CLSTN2: variants seen among roughly 807,000 people sequenced by gnomAD.
CLSTN2 encodes calsyntenin-2.
In CLSTN2, 48 loss-of-function variants were observed where a neutral mutation model predicts 101.2. The observed-to-expected ratio is 0.47, with a 90% CI of 0.38 to 0.60. The LOEUF (loss-of-function observed/expected upper bound fraction) is 0.60, where lower values mean the gene tolerates loss of function less well. Among genes scored for constraint, CLSTN2 ranks in the 20% least tolerant of loss-of-function variants. The pLI, the probability that CLSTN2 is intolerant of heterozygous loss-of-function variation, is 0.00. For missense variants in CLSTN2, 1,160 were observed against 1,238.2 expected (o/e 0.94, Z 0.95); for synonymous variants, 481 against 463.6 (o/e 1.04, Z -0.48).
At chr3:140,465,087 G>A (rs911551524) in intron 7 of CLSTN2, among the ~76,000 whole-genome samples, 1 of 152,180 alleles carries the variant, frequency 6.6e-6, no homozygotes, top group African/African-American at 2.4e-5. Flanking sequence ...GCTGCAAGGA[G>A]TGGAAAGTCC....
chr3:140,488,791 G>C (rs1322384928), intron 8 of CLSTN2, among the ~76,000 whole-genome samples: 7 of 151,756 alleles, frequency 4.6e-5, no homozygotes, highest in Non-Finnish European at 1.0e-4. Context: ...AACACCATTT[G>C]CACTAAAAGA....
chr3:140,059,092 A>G (rs992893095), intron 1 of CLSTN2, among the ~76,000 whole-genome samples: 2 of 152,256 alleles, frequency 1.3e-5, no homozygotes, highest in African/African-American at 4.8e-5. Context: ...CCTGGGTTCA[A>G]GCCCCAGTTC....
intron 1 of CLSTN2, among the ~76,000 whole-genome samples, chr3:140,046,672 T>A (rs1006567482): frequency 8.5e-5 from 13 of 152,336 alleles, no homozygotes; most frequent in Non-Finnish European, 1.5e-4. Context: ...TTTCCATGTT[T>A]AGGGCTTCCT....
chr3:140,024,533 C>A (rs1576400658), intron 1 of CLSTN2, among the ~76,000 whole-genome samples: 1 of 152,210 alleles, frequency 6.6e-6, no homozygotes, highest in Non-Finnish European at 1.5e-5. Flanking sequence ...TAGGCAGTCT[C>A]GGCCTGGCCT....
At position 140,103,027 on chromosome 3, in the gene CLSTN2, C is replaced by T. The variant is rs148697633; in HGVS notation, c.110-72924C>T. ...TCAAGTATGAAAATCACATAACTTA[C>T]TGCCTAGAAGAGAATAGCTCAACAA... On this transcript the variant is annotated intron_variant, in intron 1 of 16. Transcript: ENST00000458420. 1.3e-3 allele frequency among the ~76,000 whole-genome samples: 191 copies of T among 152,304 alleles called. 1 individual carries two copies. Among genetic ancestry groups the T allele is most frequent in the African/African-American group, 4.5e-3 (185 of 41,554 alleles).
chr3:139,985,014 G>A (rs1935998657), intron 1 of CLSTN2, among the ~76,000 whole-genome samples: 1 of 152,104 alleles, frequency 6.6e-6, no homozygotes, highest in Non-Finnish European at 1.5e-5. Flanking sequence ...TCTCCAAAAT[G>A]TGTTTCAGAT....
chr3:140,112,645 T>C (rs1310447298), intron 1 of CLSTN2, among the ~76,000 whole-genome samples: 7 of 152,140 alleles, frequency 4.6e-5, no homozygotes, highest in Non-Finnish European at 8.8e-5. Flanking sequence ...CTCTGGCTTC[T>C]TATGGGTGCA....
chr3:140,090,534 G>A (rs2008760924), intron 1 of CLSTN2, among the ~76,000 whole-genome samples: 1 of 152,160 alleles, frequency 6.6e-6, no homozygotes, highest in Admixed American at 6.5e-5. Context: ...ATGCAGGTCA[G>A]TTGCTTAATG....
At chr3:140,018,484 T>G (rs1347988766) in intron 1 of CLSTN2, among the ~76,000 whole-genome samples, 3 of 152,170 alleles carry the variant, frequency 2.0e-5, no homozygotes, top group Non-Finnish European at 4.4e-5. Flanking sequence ...GACTGCAGCC[T>G]GCTGCATAGG....
intron 5 of CLSTN2, among the ~76,000 whole-genome samples, chr3:140,447,055 C>G (rs1559872015): frequency 6.6e-6 from 1 of 152,212 alleles, no homozygotes. Flanking sequence ...ACCGGTATCA[C>G]CATGGTGGCT....
chr3:140,171,829 ATAACAATATATAATATAATATATATAT>A (rs2010238099), intron 1 of CLSTN2, among the ~76,000 whole-genome samples: 7 of 91,128 alleles, frequency 7.7e-5, no homozygotes, highest in Non-Finnish European at 1.5e-4. Flanking sequence ...ATTATATATA[ATAACAATATATAATATAATATATATAT>A]TATATAATAA....
intron 8 of CLSTN2, among the ~76,000 whole-genome samples, chr3:140,488,277 A>G (rs921051110): frequency 3.3e-5 from 5 of 152,220 alleles, no homozygotes; most frequent in African/African-American, 1.2e-4. Flanking sequence ...ACAAATGTTC[A>G]TTATGGAGCA....
At chr3:140,305,766 A>AT (rs1399711200) in intron 2 of CLSTN2, among the ~76,000 whole-genome samples, 4 of 152,212 alleles carry the variant, frequency 2.6e-5, no homozygotes, top group Non-Finnish European at 5.9e-5. Flanking sequence ...ATTTTGTTAA[A>AT]TAAAAAAAGT....
intron 6 of CLSTN2, among the ~76,000 whole-genome samples, chr3:140,453,623 C>T (rs568831432): frequency 1.3e-5 from 2 of 152,174 alleles, no homozygotes; most frequent in Non-Finnish European, 2.9e-5. Context: ...AATGTTCTCA[C>T]CCCCAAAGAA....
chr3:140,345,600 ATTTTTTTT>A (rs35828839), intron 2 of CLSTN2, among the ~76,000 whole-genome samples: 6 of 121,132 alleles, frequency 5.0e-5, no homozygotes, highest in South Asian at 2.8e-4. Flanking sequence ...TATGTGTGGA[ATTTTTTTT>A]TTTTTTTTTT....
At chr3:140,096,144 T>A (rs966640443) in intron 1 of CLSTN2, among the ~76,000 whole-genome samples, 2 of 152,180 alleles carry the variant, frequency 1.3e-5, no homozygotes, top group Non-Finnish European at 2.9e-5. Context: ...GTTCTCTGCT[T>A]CATCATCCTC....
Position 140,178,723 on chromosome 3 carries a change from A to G in CLSTN2, c.232+2650A>G, listed in dbSNP as rs2010361425. Among the ~76,000 whole-genome samples, 3 of 152,238 alleles carry G rather than the reference A, an allele frequency of 2.0e-5. No individual in the cohort carries two copies. The South Asian group carries it at 6.2e-4, about 32-fold the overall frequency. ...GTTTATTTTAAAACATTTATCTTAAAAAGAAAATACCGAAGATTTATTTCA... is the reference window on the plus strand; with the variant it reads ...GTTTATTTTAAAACATTTATCTTAAGAAGAAAATACCGAAGATTTATTTCA... On this transcript the variant is annotated intron_variant, in intron 2 of 16. Transcript: ENST00000458420.
chr3:140,425,338 G>A (rs2088555312), intron 5 of CLSTN2, among the ~76,000 whole-genome samples: 1 of 152,208 alleles, frequency 6.6e-6, no homozygotes, highest in African/African-American at 2.4e-5. Context: ...CAGGGCAGTG[G>A]CCCTCATTGT....
At chr3:140,031,386 G>A (rs925422417) in intron 1 of CLSTN2, among the ~76,000 whole-genome samples, 2 of 152,176 alleles carry the variant, frequency 1.3e-5, no homozygotes, top group African/African-American at 4.8e-5. Context: ...CTAAACCCTG[G>A]TAGCCGCTTG....
Sources: gnomAD v4.1 joint callset for allele counts (sites outside exome capture counted in the v4.1 genomes callset) on GRCh38, gnomAD v4.1.1 for gene constraint, MANE v1.5 for transcripts, NCBI Gene and HGNC (gene_info 2026-07-23, HGNC 2026-07-21) for gene names.